Variants in OSTM1 observed in about 807,000 individuals in gnomAD.
OSTM1 encodes the protein osteoclastogenesis associated transmembrane protein 1.
OSTM1 carries 26 observed loss-of-function variants against 35.4 expected under a neutral mutation model. That is an observed-to-expected ratio of 0.73 (90% CI 0.54 to 1.02). OSTM1 has a LOEUF of 1.02. Ranked by LOEUF, OSTM1 falls within the 50% of genes least tolerant of loss-of-function variation. The probability of loss-of-function intolerance (pLI) is 0.00; values close to 1 mark genes in which losing one functional copy is unlikely to be tolerated. For synonymous variants in OSTM1, 181 were observed against 165.0 expected, an observed-to-expected ratio of 1.10 and a Z score of -0.75; for missense variants, 366 against 409.6, an observed-to-expected ratio of 0.89 and a Z score of 0.92.
intron 1 of OSTM1, among the ~76,000 whole-genome samples, chr6:108,069,262 T>C (rs947941586): frequency 1.3e-5 from 2 of 152,346 alleles, no homozygotes; most frequent in East Asian, 1.9e-4. Context: ...CCACAACCTG[T>C]ACATAATAGG....
At chr6:108,047,419 T>A (rs1460135919) in intron 5 of OSTM1, among the ~76,000 whole-genome samples, 1 of 152,244 alleles carries the variant, frequency 6.6e-6, no homozygotes, top group Non-Finnish European at 1.5e-5. Flanking sequence ...CATGTACAGC[T>A]TGGAGAGCAG....
intron 1 of OSTM1, among the ~76,000 whole-genome samples, chr6:108,070,472 T>C (rs1314767874): frequency 6.6e-6 from 1 of 152,222 alleles, no homozygotes; most frequent in East Asian, 1.9e-4. Context: ...TACTGATAGT[T>C]TGAGGCCTGA....
intron 5 of OSTM1, among the ~76,000 whole-genome samples, chr6:108,047,225 A>G (rs1047209334): frequency 3.3e-5 from 5 of 152,226 alleles, no homozygotes; most frequent in African/African-American, 1.2e-4. Flanking sequence ...TGAGCAAGTA[A>G]CTTTAGAGCT....
intron 3 of OSTM1, 66 bp from the exon 4 acceptor site, chr6:108,051,264 G>T: frequency 1.7e-6 from 2 of 1,167,882 alleles, no homozygotes; most frequent in Non-Finnish European, 2.5e-6. Flanking sequence ...TTTAATGTAA[G>T]CTATTTACGC....
At chr6:108,055,950 G>A (rs954736480) in intron 2 of OSTM1, among the ~76,000 whole-genome samples, 1 of 152,084 alleles carries the variant, frequency 6.6e-6, no homozygotes, top group African/African-American at 2.4e-5. Context: ...CCATCAGATA[G>A]GATCTCTCTC....
chr6:108,049,551 G>A, intron 4 of OSTM1, 133 bp from the exon 5 acceptor site: 2 of 1,472,972 alleles, frequency 1.4e-6, no homozygotes, highest in Non-Finnish European at 1.8e-6. Context: ...CCTACTGATA[G>A]TTGAGGACAA....
chr6:108,073,496 A>G (rs1772523668), intron 1 of OSTM1: 1 of 152,238 alleles, frequency 6.6e-6, no homozygotes, highest in African/African-American at 2.4e-5. Flanking sequence ...ATGAAGAATG[A>G]AGAGCAGTCT....
intron 2 of OSTM1, among the ~76,000 whole-genome samples, chr6:108,058,144 C>G (rs1019802705): frequency 6.6e-6 from 1 of 150,512 alleles, no homozygotes; most frequent in African/African-American, 2.5e-5. Flanking sequence ...TCCAATGTGC[C>G]TGGCCTCAAG....
chr6:108,058,826 G>C (rs1173781514), intron 2 of OSTM1, among the ~76,000 whole-genome samples: 1 of 152,096 alleles, frequency 6.6e-6, no homozygotes, highest in Admixed American at 6.5e-5. Context: ...TAATCATTAA[G>C]TACTATTGTT....
chr6:108,060,333 C>A (rs1267080549), intron 2 of OSTM1, among the ~76,000 whole-genome samples: 1 of 152,154 alleles, frequency 6.6e-6, no homozygotes, highest in African/African-American at 2.4e-5. Flanking sequence ...GCATTTTATA[C>A]CTGCCATACT....
intron 5 of OSTM1, among the ~76,000 whole-genome samples, chr6:108,045,988 CTTT>C (rs1339186447): frequency 6.6e-6 from 1 of 151,686 alleles, no homozygotes; most frequent in African/African-American, 2.4e-5. Flanking sequence ...TTTCTGGTTT[CTTT>C]TTTTATTTTA....
rs768463362 is a variant in OSTM1, at chr6:108,054,472, ATAT to A, written c.615+15_615+17del. 1 of 1,164,442 alleles carries A rather than the reference ATAT, an allele frequency of 8.6e-7. No homozygotes were observed. The highest frequency in any genetic ancestry group is 1.3e-5 in the South Asian group (1 of 74,622). 72.1% of individuals were successfully genotyped at this position (1,164,442 alleles called of 1,614,324 possible). A position where few individuals can be genotyped will look rare whatever the true frequency, so the allele number is the denominator to read the frequency against. On this transcript the variant is annotated intron_variant, in intron 3 of 5. Coordinates refer to ENST00000193322, the MANE Select transcript of OSTM1 (RefSeq NM_014028.4). ...GTACAAGGCAGCATTTTAATTTTAA[ATAT>A]TATATATAAAATACCTGAAGGTTAT... is the stretch of plus-strand genomic sequence containing the variant.
chr6:108,044,467 G>A lies in OSTM1; in HGVS notation c.*318C>T. Reference sequence around the variant, plus strand: ...CTACTTGAGATATTTATGTTAGTAAGAAGATACCAGAAGTCTAGAATAGTA... The same window carrying A: ...CTACTTGAGATATTTATGTTAGTAAAAAGATACCAGAAGTCTAGAATAGTA... On this transcript the variant is annotated 3_prime_UTR_variant, in exon 6 of 6. Coordinates refer to ENST00000193322, the MANE Select transcript of OSTM1 (RefSeq NM_014028.4). 5.3e-6 allele frequency: 1 copy of A among 190,078 alleles called. No homozygotes were observed. The highest frequency in any genetic ancestry group is 1.6e-4 in the South Asian group (1 of 6,098). The allele number at this position is 190,078 out of a possible 1,614,324, so 11.8% of individuals were successfully genotyped here. A position where few individuals can be genotyped will look rare whatever the true frequency, so the allele number is the denominator to read the frequency against.
At chr6:108,074,183 C>T in intron 1 of OSTM1, 67 bp downstream of exon 1, 3 of 1,513,988 alleles carry the variant, frequency 2.0e-6, no homozygotes, top group Non-Finnish European at 2.7e-6. Flanking sequence ...CAGCGCTGAC[C>T]ATCATTACAC....
chr6:108,049,593 A>C (rs1562370233), intron 4 of OSTM1, 175 bp from the exon 5 acceptor site: 1 of 1,417,774 alleles, frequency 7.1e-7, no homozygotes, highest in Non-Finnish European at 9.2e-7. Flanking sequence ...CCTGGTTCAA[A>C]ATACAGTCAT....
chr6:108,049,725 T>C (rs146523698), intron 4 of OSTM1: 9 of 294,142 alleles, frequency 3.1e-5, no homozygotes, highest in African/African-American at 1.5e-4. Flanking sequence ...GGAATATAGT[T>C]AGGCCCTGTT....
rs897039542 is a variant in OSTM1 at position 108,044,619 on chromosome 6, T to C, written c.*166A>G. The C allele has an allele frequency of 2.0e-6, 1 of 501,680 alleles. No individual in the cohort carries two copies. Among genetic ancestry groups the C allele is most frequent in the Admixed American group, 3.3e-5 (1 of 29,854 alleles). 31.1% of individuals were successfully genotyped at this position (501,680 alleles called of 1,614,324 possible). A position where few individuals can be genotyped will look rare whatever the true frequency, so the allele number is the denominator to read the frequency against. On this transcript the variant is annotated 3_prime_UTR_variant, in exon 6 of 6. Coordinates refer to ENST00000193322, the MANE Select transcript of OSTM1 (RefSeq NM_014028.4). ...AATATCCAAATCTGTTAGAAAGAAG[T>C]GGAAAAGGAAAGAAAAATCGAAAAT...
chr6:108,059,578 A>C (rs1772237023), intron 2 of OSTM1, among the ~76,000 whole-genome samples: 1 of 152,220 alleles, frequency 6.6e-6, no homozygotes, highest in Admixed American at 6.5e-5. Context: ...AGTTTTGGGC[A>C]GTATACTCAT....
At position 108,042,963 on chromosome 6, in the gene OSTM1, G is replaced by A. The variant is rs911958834; in HGVS notation, c.*1822C>T. The A allele has an allele frequency of 1.1e-4, 17 of 151,992 alleles. No homozygotes were observed. Among genetic ancestry groups the A allele is most frequent in the African/African-American group, 3.9e-4 (16 of 41,354 alleles). The allele number at this position is 151,992 out of a possible 1,614,324, so 9.4% of individuals were successfully genotyped here. A position where few individuals can be genotyped will look rare whatever the true frequency, so the allele number is the denominator to read the frequency against. ...AAAATGAAAAACTTACACACTTTAG[G>A]GTAGCGCTTAATACTTATCTTTGAA... On this transcript the variant is annotated 3_prime_UTR_variant, in exon 6 of 6. Transcript: ENST00000193322.
Sources: allele counts gnomAD v4.1 joint callset (sites outside exome capture counted in the v4.1 genomes callset), GRCh38; gene constraint gnomAD v4.1.1; transcripts MANE v1.5; gene names NCBI Gene and HGNC (gene_info 2026-07-23, HGNC 2026-07-21).